EYS: variants seen among roughly 807,000 people sequenced by gnomAD.
The protein encoded by EYS is EGF-like photoreceptor maintenance factor.
A neutral mutation model predicts 282.1 loss-of-function variants in EYS; 250 were observed. The observed-to-expected ratio is 0.89, with a 90% CI of 0.80 to 0.98. The LOEUF (loss-of-function observed/expected upper bound fraction) is 0.98. EYS is among the 50% of genes least tolerant of loss of function. The pLI is 0.00. For synonymous variants in EYS, 1,355 were observed against 1,282.9 expected, an observed-to-expected ratio of 1.06 and a Z score of -1.20; for missense variants, 4,016 against 3,709.0, an observed-to-expected ratio of 1.08 and a Z score of -2.15.
chr6:64,844,399 T>C (rs1765659982), intron 19 of EYS, among the ~76,000 whole-genome samples: 1 of 151,572 alleles, frequency 6.6e-6, no homozygotes, highest in South Asian at 2.1e-4. Flanking sequence ...CAGTGCTTGA[T>C]ACTCAATAAT....
intron 2 of EYS, among the ~76,000 whole-genome samples, chr6:65,570,518 A>C (rs1170273694): frequency 6.6e-6 from 1 of 152,146 alleles, no homozygotes; most frequent in East Asian, 1.9e-4. Context: ...TGAGTTTCAC[A>C]ACTGACTTTT....
At chr6:64,569,049 A>C (rs1562066861) in intron 26 of EYS, among the ~76,000 whole-genome samples, 2 of 145,132 alleles carry the variant, frequency 1.4e-5, no homozygotes, top group Non-Finnish European at 3.0e-5. Context: ...AAAAAACAGC[A>C]AAAAAAGGCT....
rs548606077 is a variant in EYS at position 65,002,554 on chromosome 6, T to C, written c.2138-4851A>G. Among the ~76,000 whole-genome samples, 127 of 148,068 alleles carry C rather than the reference T, an allele frequency of 8.6e-4. 16 individuals carry two copies. Among genetic ancestry groups the C allele is most frequent in the Non-Finnish European group, 1.4e-3 (93 of 66,042 alleles). The stretch of plus-strand genomic sequence containing the variant: ...TTTACAAAATTCAATTGCCTTGATA[T>C]TGGCTTTTATTTGCACAGCACTTGT... On this transcript the variant is annotated intron_variant, in intron 13 of 42. Coordinates refer to ENST00000503581, the MANE Select transcript of EYS (RefSeq NM_001142800.2).
chr6:63,727,136 A>G (rs1768643074), intron 41 of EYS, among the ~76,000 whole-genome samples: 1 of 151,778 alleles, frequency 6.6e-6, no homozygotes, highest in Non-Finnish European at 1.5e-5. Context: ...AGGATATATT[A>G]TAAGGCATAA....
At chr6:65,110,641 G>T (rs1775188997) in intron 12 of EYS, among the ~76,000 whole-genome samples, 1 of 151,750 alleles carries the variant, frequency 6.6e-6, no homozygotes, top group African/African-American at 2.4e-5. Flanking sequence ...TTAAGCCAAA[G>T]ATGCAAACAT....
chr6:64,769,370 T>C (rs1773456671), intron 22 of EYS, among the ~76,000 whole-genome samples: 1 of 152,082 alleles, frequency 6.6e-6, no homozygotes, highest in Admixed American at 6.6e-5. Flanking sequence ...TACAACTCTA[T>C]AGACACTGAA....
In EYS at chr6:65,364,314, G is replaced by T. The variant is rs1764830922; in HGVS notation, c.1300-10697C>A. 4.0e-5 allele frequency among the ~76,000 whole-genome samples: 6 copies of T among 149,498 alleles called. No individual in the cohort carries two copies. The South Asian group carries it at 1.3e-3, about 32-fold the overall frequency. On this transcript the variant is annotated intron_variant, in intron 8 of 42. Transcript: ENST00000503581. ...ATTAGAACATTTCCTTCCATAAGAA[G>T]TAGTAAATAATCAACCTCAGAATTG... is the stretch of plus-strand genomic sequence containing the variant.
intron 14 of EYS, among the ~76,000 whole-genome samples, chr6:64,979,110 G>A (rs964099404): frequency 1.3e-5 from 2 of 151,700 alleles, no homozygotes; most frequent in African/African-American, 2.4e-5. Context: ...AAACAGCAGC[G>A]CTATAAGATA....
intron 12 of EYS, among the ~76,000 whole-genome samples, chr6:65,112,955 T>C (rs1280643436): frequency 1.3e-5 from 2 of 152,128 alleles, no homozygotes; most frequent in Non-Finnish European, 2.9e-5. Context: ...TACTGAAGTG[T>C]TCAGCATGTT....
chr6:64,871,192 T>C (rs1043012000), intron 19 of EYS, among the ~76,000 whole-genome samples: 6 of 151,920 alleles, frequency 3.9e-5, no homozygotes, highest in African/African-American at 1.4e-4. Flanking sequence ...ATAAATATCT[T>C]TTACATAATA....
chr6:65,283,467 CTATT>C (rs1768277833), intron 12 of EYS, among the ~76,000 whole-genome samples: 1 of 151,868 alleles, frequency 6.6e-6, no homozygotes, highest in Non-Finnish European at 1.5e-5. Flanking sequence ...ATTGTCGTGA[CTATT>C]TGTTAATAAC....
chr6:64,303,052 A>C (rs1274901575), intron 30 of EYS, among the ~76,000 whole-genome samples: 1 of 152,168 alleles, frequency 6.6e-6, no homozygotes, highest in Non-Finnish European at 1.5e-5. Context: ...CAAGAGGCTG[A>C]ACAAATCCTG....
chr6:65,582,527 G>A (rs1764908519), intron 2 of EYS, among the ~76,000 whole-genome samples: 1 of 152,074 alleles, frequency 6.6e-6, no homozygotes, highest in African/African-American at 2.4e-5. Context: ...ATGTCATTCT[G>A]AACCAAAGAA....
chr6:64,337,176 T>A (rs958353592), intron 29 of EYS, among the ~76,000 whole-genome samples: 1 of 151,854 alleles, frequency 6.6e-6, no homozygotes, highest in South Asian at 2.1e-4. Flanking sequence ...ATACAAAAGA[T>A]AAATGAAACA....
At chr6:63,833,578 G>A (rs1771709600) in intron 36 of EYS, among the ~76,000 whole-genome samples, 1 of 152,080 alleles carries the variant, frequency 6.6e-6, no homozygotes, top group African/African-American at 2.4e-5. Context: ...ACAAATGGAA[G>A]ACCATTCCAT....
chr6:64,170,008 C>A (rs1019682324), intron 31 of EYS, among the ~76,000 whole-genome samples: 2 of 152,034 alleles, frequency 1.3e-5, no homozygotes, highest in Non-Finnish European at 2.9e-5. Flanking sequence ...TACTATACAC[C>A]TTATATTTGG....
At chr6:64,430,342 C>T (rs146302375) in intron 28 of EYS, among the ~76,000 whole-genome samples, 88 of 152,152 alleles carry the variant, frequency 5.8e-4, no homozygotes, top group African/African-American at 1.6e-3. Context: ...AGGCATTATG[C>T]GCCAGTACGC....
chr6:64,955,200 A>G (rs1298313511), intron 14 of EYS, among the ~76,000 whole-genome samples: 1 of 137,620 alleles, frequency 7.3e-6, no homozygotes, highest in East Asian at 2.3e-4. Context: ...ACAAACAACC[A>G]ACAAAAAAAA....
At chr6:64,871,098 T>C (rs113550286) in intron 19 of EYS, among the ~76,000 whole-genome samples, 34 of 152,038 alleles carry the variant, frequency 2.2e-4, no homozygotes, top group African/African-American at 8.2e-4. Flanking sequence ...AGCTGGCTTA[T>C]TTCGCTCAAA....
Sources: allele counts gnomAD v4.1 joint callset (sites outside exome capture counted in the v4.1 genomes callset), GRCh38; gene constraint gnomAD v4.1.1; transcripts MANE v1.5; gene names NCBI Gene and HGNC (gene_info 2026-07-23, HGNC 2026-07-21).